The following OPCML variants were observed in gnomAD, a reference collection of about 807,000 sequenced individuals.
The protein encoded by OPCML is opioid-binding protein/cell adhesion molecule.
OPCML carries 13 observed loss-of-function variants against 37.8 expected under a neutral mutation model. The observed-to-expected ratio is 0.34, with a 90% CI of 0.22 to 0.55. OPCML has a LOEUF of 0.55. OPCML is among the 20% of genes least tolerant of loss of function. The pLI, the probability that OPCML is intolerant of heterozygous loss-of-function variation, is 0.91. For missense variants in OPCML, 341 were observed against 435.6 expected, an observed-to-expected ratio of 0.78 and a Z score of 1.93; for synonymous variants, 176 against 168.8, an observed-to-expected ratio of 1.04 and a Z score of -0.33.
At chr11:132,530,298 T>C (rs2096320873) in intron 3 of OPCML, among the ~76,000 whole-genome samples, 1 of 134,278 alleles carries the variant, frequency 7.4e-6, no homozygotes, top group Non-Finnish European at 1.8e-5. Flanking sequence ...CAGGCCTTGA[T>C]GCTCTTCAAC....
chr11:133,062,814 C>T (rs991045198), intron 1 of OPCML, among the ~76,000 whole-genome samples: 1 of 152,234 alleles, frequency 6.6e-6, no homozygotes, highest in South Asian at 2.1e-4. Context: ...GCATCGTTCC[C>T]GCCCCTGAGC....
In OPCML at chr11:132,597,103, G is replaced by A. The variant is rs149947122; in HGVS notation, c.379+59984C>T. On this transcript the variant is annotated intron_variant, in intron 3 of 7. Transcript: ENST00000524381. Reference sequence around the variant, plus strand: ...CACAAGACATGTCTACTCATACAGTGTGATAACATTTAAAAATCAAAGAAA... The same window carrying A: ...CACAAGACATGTCTACTCATACAGTATGATAACATTTAAAAATCAAAGAAA... Among the ~76,000 whole-genome samples, 293 of 152,258 alleles carry A rather than the reference G, an allele frequency of 1.9e-3. 2 individuals carry two copies. Among genetic ancestry groups the A allele is most frequent in the African/African-American group, 6.5e-3 (269 of 41,542 alleles).
At chr11:133,023,147 T>C (rs1321102462) in intron 1 of OPCML, among the ~76,000 whole-genome samples, 1 of 152,216 alleles carries the variant, frequency 6.6e-6, no homozygotes, top group African/African-American at 2.4e-5. Flanking sequence ...TAGGACTCAG[T>C]GCCATAAGCA....
intron 4 of OPCML, among the ~76,000 whole-genome samples, chr11:132,481,071 A>T (rs1592241173): frequency 6.6e-6 from 1 of 152,194 alleles, no homozygotes; most frequent in Non-Finnish European, 1.5e-5. Context: ...ACATTTAAAC[A>T]ATATTAACTT....
intron 2 of OPCML, among the ~76,000 whole-genome samples, chr11:132,809,683 T>G (rs2136222418): frequency 6.6e-6 from 1 of 152,146 alleles, no homozygotes; most frequent in South Asian, 2.1e-4. Context: ...CATCTCCAAG[T>G]GTTTATTTAT....
intron 1 of OPCML, among the ~76,000 whole-genome samples, chr11:133,293,196 A>T (rs545979345): frequency 2.6e-5 from 4 of 152,068 alleles, no homozygotes; most frequent in Admixed American, 6.5e-5. Flanking sequence ...GAGCCTGAGC[A>T]GACACATGCA....
intron 2 of OPCML, among the ~76,000 whole-genome samples, chr11:132,726,814 G>A (rs148974709): frequency 1.2e-3 from 177 of 152,198 alleles, no homozygotes; most frequent in Non-Finnish European, 2.2e-3. Flanking sequence ...TTAAGTTACC[G>A]CTCATCCAAC....
intron 2 of OPCML, among the ~76,000 whole-genome samples, chr11:132,886,275 T>C (rs556639247): frequency 6.6e-6 from 1 of 152,354 alleles, no homozygotes; most frequent in East Asian, 1.9e-4. Context: ...ACAAGCCTCA[T>C]GAACCTTAGG....
intron 1 of OPCML, among the ~76,000 whole-genome samples, chr11:133,204,160 G>A (rs997625120): frequency 4.0e-5 from 6 of 150,142 alleles, no homozygotes; most frequent in African/African-American, 1.5e-4. Flanking sequence ...TTTAAGTTAT[G>A]CAAAATACAT....
intron 1 of OPCML, among the ~76,000 whole-genome samples, chr11:133,270,770 C>A (rs115370929): frequency 6.6e-6 from 1 of 152,096 alleles, no homozygotes; most frequent in African/African-American, 2.4e-5. Context: ...AACATGCTTG[C>A]GACACGTGTG....
intron 3 of OPCML, among the ~76,000 whole-genome samples, chr11:132,626,016 C>T (rs1321246883): frequency 6.6e-6 from 1 of 151,924 alleles, no homozygotes; most frequent in Non-Finnish European, 1.5e-5. Context: ...TTTCAAGAAA[C>T]ATTCATTGAA....
In OPCML at chr11:133,395,506, C is replaced by G. The variant is rs139967562; in HGVS notation, c.61+136758G>C. On this transcript the variant is annotated intron_variant, in intron 1 of 7. Coordinates refer to ENST00000524381, the MANE Select transcript of OPCML (RefSeq NM_001012393.5). ...TCCTGGAAAGTTTCCCTAATGTTTT[C>G]CTGTAGTGGTTTCATAGTTTGAGGT... 9.4e-4 allele frequency among the ~76,000 whole-genome samples: 143 copies of G among 152,200 alleles called. 1 individual carries two copies. In the East Asian group the frequency reaches 0.024, roughly 25 times the overall value.
chr11:132,473,954 A>G (rs1214423240), intron 4 of OPCML, among the ~76,000 whole-genome samples: 1 of 152,156 alleles, frequency 6.6e-6, no homozygotes, highest in Non-Finnish European at 1.5e-5. Flanking sequence ...TCTACAATCT[A>G]AGGCCAATTA....
At chr11:133,043,638 C>T (rs1356642145) in intron 1 of OPCML, among the ~76,000 whole-genome samples, 2 of 152,332 alleles carry the variant, frequency 1.3e-5, no homozygotes, top group Non-Finnish European at 2.9e-5. Flanking sequence ...CAGCCCTTTC[C>T]CATGCAGAGC....
chr11:133,207,709 C>A (rs1019810855), intron 1 of OPCML, among the ~76,000 whole-genome samples: 2 of 152,172 alleles, frequency 1.3e-5, no homozygotes, highest in Non-Finnish European at 2.9e-5. Flanking sequence ...CATGTACTAT[C>A]CAGACTCAGA....
chr11:133,060,818 AGAGAT>A (rs2095410092), intron 1 of OPCML, among the ~76,000 whole-genome samples: 1 of 152,252 alleles, frequency 6.6e-6, no homozygotes, highest in African/African-American at 2.4e-5. Flanking sequence ...GGCTGCATGC[AGAGAT>A]GACAGGCTCA....
rs77016588 is a variant in OPCML at position 133,342,233 on chromosome 11, G to T, written c.61+190031C>A. Among the ~76,000 whole-genome samples the T allele has an allele frequency of 1.5e-3, 230 of 152,204 alleles. 1 individual carries two copies. The highest frequency in any genetic ancestry group is 5.2e-3 in the African/African-American group (217 of 41,534). Reference sequence around the variant, plus strand: ...CTTTCAGAGACTCCCAGGGGGAAGAGAACTAACACACTAGAAATAGCTGTG... The same window carrying T: ...CTTTCAGAGACTCCCAGGGGGAAGATAACTAACACACTAGAAATAGCTGTG... On this transcript the variant is annotated intron_variant, in intron 1 of 7. Transcript: ENST00000524381.
At chr11:132,951,814 A>G (rs1200459003) in intron 1 of OPCML, among the ~76,000 whole-genome samples, 1 of 152,156 alleles carries the variant, frequency 6.6e-6, no homozygotes, top group East Asian at 1.9e-4. Flanking sequence ...TTTTTCTCTG[A>G]GTTTGAAGAA....
At chr11:133,365,054 A>T (rs1360102506) in intron 1 of OPCML, among the ~76,000 whole-genome samples, 1 of 121,656 alleles carries the variant, frequency 8.2e-6, no homozygotes, top group East Asian at 2.2e-4. Flanking sequence ...TCTTTCACAC[A>T]CACACACACA....
Sources: gnomAD v4.1 joint callset for allele counts (sites outside exome capture counted in the v4.1 genomes callset) on GRCh38, gnomAD v4.1.1 for gene constraint, MANE v1.5 for transcripts, NCBI Gene and HGNC (gene_info 2026-07-23, HGNC 2026-07-21) for gene names.